Variants in ERCC2 observed in about 807,000 individuals in gnomAD.
The protein encoded by ERCC2 is ERCC excision repair 2, TFIIH core complex helicase subunit, also known as general transcription and DNA repair factor IIH helicase subunit XPD.
A neutral mutation model predicts 99.4 loss-of-function variants in ERCC2; 90 were observed. That is an observed-to-expected ratio of 0.91 (90% confidence interval 0.76 to 1.08). ERCC2 has a LOEUF of 1.08. Ranked by LOEUF, ERCC2 falls within the 50% of genes least tolerant of loss-of-function variation. The pLI is 0.00. For missense variants in ERCC2, 993 were observed against 1,038.1 expected, an observed-to-expected ratio of 0.96 and a Z score of 0.60; for synonymous variants, 497 against 432.4, an observed-to-expected ratio of 1.15 and a Z score of -1.85.
intron 12 of ERCC2, among the ~76,000 whole-genome samples, chr19:45,360,919 T>A (rs1243638775): frequency 1.3e-5 from 2 of 151,840 alleles, no homozygotes; most frequent in African/African-American, 4.8e-5. Context: ...GATCATGAGG[T>A]CAGGAGATCG....
chr19:45,351,724 GCAGAGAA>G lies in ERCC2; in HGVS notation c.2191-10_2191-4del, dbSNP rs1248089431. 1.2e-6 allele frequency: 2 copies of G among 1,613,540 alleles called. No homozygotes were observed. The highest frequency in any genetic ancestry group is 1.7e-6 in the Non-Finnish European group (2 of 1,179,894). ...AGGGACAGGCCCAGCTGATCCTCCTGCAGAGAACAGAGGAAAGGGAGAGGGGGGCACT... is the reference window on the plus strand; with the variant it reads ...AGGGACAGGCCCAGCTGATCCTCCTGCAGAGGAAAGGGAGAGGGGGGCACT... On this transcript the variant is annotated splice_polypyrimidine_tract_variant and splice_region_variant and intron_variant, in intron 22 of 22. Coordinates refer to ENST00000391945, the MANE Select transcript of ERCC2 (RefSeq NM_000400.4).
chr19:45,358,049 T>C, intron 12 of ERCC2: 2 of 403,106 alleles, frequency 5.0e-6, no homozygotes, highest in South Asian at 4.8e-5. Flanking sequence ...TGACCTTTTC[T>C]TGTTTTTGTT....
Position 45,350,747 on chromosome 19 carries a change from G to A in ERCC2, c.*882C>T, listed in dbSNP as rs776705760. The A allele has an allele frequency of 3.7e-6, 6 of 1,608,950 alleles. No homozygotes were observed. In the South Asian group the frequency reaches 5.5e-5, roughly 15 times the overall value. ...GGCGAGGCGGCGGCAGGAGCAGCCG[G>A]GTGAGTGTTGATCAGGTCGGCAAAG... On this transcript the variant is annotated 3_prime_UTR_variant, in exon 23 of 23. Transcript: ENST00000391945.
Position 45,349,855 on chromosome 19 carries a change from ATTGAG to A in ERCC2, c.*1769_*1773del. ...GCACAGGTGGCAGCAGCAGACATTT[ATTGAG>A]CTCACTGTGGCCGGCTCCCCTCTTA... On this transcript the variant is annotated 3_prime_UTR_variant, in exon 23 of 23. Coordinates refer to ENST00000391945, the MANE Select transcript of ERCC2 (RefSeq NM_000400.4). 1 of 515,522 alleles carries A rather than the reference ATTGAG, an allele frequency of 1.9e-6. No homozygotes were observed. Among genetic ancestry groups the A allele is most frequent in the Non-Finnish European group, 3.4e-6 (1 of 290,978 alleles). The allele number at this position is 515,522 out of a possible 1,614,324, so 31.9% of individuals were successfully genotyped here. A position where few individuals can be genotyped will look rare whatever the true frequency, so the allele number is the denominator to read the frequency against.
At chr19:45,367,877 G>A (rs1220221453) in intron 5 of ERCC2, among the ~76,000 whole-genome samples, 2 of 150,736 alleles carry the variant, frequency 1.3e-5, no homozygotes, top group Non-Finnish European at 2.9e-5. Flanking sequence ...ATATCATTAT[G>A]CATATAAATA....
Position 45,359,039 on chromosome 19 carries a change from G to A in ERCC2, c.1238-1340C>T, listed in dbSNP as rs3916840. ...GCCAGCCTTGCCCCTGCTCGCATGG[G>A]TTCGCAGTCCAGTAGGAGACAGACT... is the stretch of plus-strand genomic sequence containing the variant. On this transcript the variant is annotated intron_variant, in intron 12 of 22. Coordinates refer to ENST00000391945, the MANE Select transcript of ERCC2 (RefSeq NM_000400.4). 4.9e-3 allele frequency: 3,064 copies of A among 620,444 alleles called. 90 individuals carry two copies. In the East Asian group the frequency reaches 0.061, roughly 12 times the overall value. The allele number at this position is 620,444 out of a possible 1,614,324, so 38.4% of individuals were successfully genotyped here.
At position 45,357,680 on chromosome 19, in the gene ERCC2, C is replaced by T; in HGVS notation, c.1257G>A (p.Glu419=). Residue 419 remains glutamate, a synonymous_variant, in exon 13 of 23, where the codon GAG becomes GAA. Transcript: ENST00000391945. ...TYAKGFTIII[E]PFDDRTPTIA... ...TGGTCGGGGTTCTGTCGTCAAAGGG[C>T]TCGATGATGATGGTGAAGCCTGCAG... 6.2e-7 allele frequency: 1 copy of T among 1,613,932 alleles called. No individual in the cohort carries two copies. Among genetic ancestry groups the T allele is most frequent in the Non-Finnish European group, 8.5e-7 (1 of 1,179,996 alleles).
intron 17 of ERCC2, among the ~76,000 whole-genome samples, chr19:45,354,067 G>A (rs905412068): frequency 3.3e-5 from 5 of 152,266 alleles, no homozygotes; most frequent in East Asian, 1.9e-4. Flanking sequence ...TGACGTTCCC[G>A]CCTCCCATGC....
At position 45,370,522 on chromosome 19, in the gene ERCC2, A is replaced by T; in HGVS notation, c.5+14T>A. ...GCGCCCGCTAGCGAGCGCGACCCCCAGCCCCCTTCTCACTTCATGGCGCCG... is the reference window on the plus strand; with the variant it reads ...GCGCCCGCTAGCGAGCGCGACCCCCTGCCCCCTTCTCACTTCATGGCGCCG... On this transcript the variant is annotated intron_variant, in intron 1 of 22. Coordinates refer to ENST00000391945, the MANE Select transcript of ERCC2 (RefSeq NM_000400.4). 4 of 1,272,828 alleles carry T rather than the reference A, an allele frequency of 3.1e-6. No individual in the cohort carries two copies. The highest frequency in any genetic ancestry group is 4.1e-6 in the Non-Finnish European group (4 of 978,056). 78.8% of individuals were successfully genotyped at this position (1,272,828 alleles called of 1,614,324 possible).
At position 45,350,817 on chromosome 19, in the gene ERCC2, CCATCTT is replaced by C; in HGVS notation, c.*806_*811del. 1 of 1,359,250 alleles carries C rather than the reference CCATCTT, an allele frequency of 7.4e-7. No homozygotes were observed. Among genetic ancestry groups the C allele is most frequent in the Non-Finnish European group, 1.0e-6 (1 of 971,872 alleles). 84.2% of individuals were successfully genotyped at this position (1,359,250 alleles called of 1,614,324 possible). ...TCCACAGCCCACCCCACCCCCACCC[CCATCTT>C]GCTCAAGAACCTTCCATGGCTCCCA... is the stretch of plus-strand genomic sequence containing the variant. On this transcript the variant is annotated 3_prime_UTR_variant, in exon 23 of 23. Coordinates refer to ENST00000391945, the MANE Select transcript of ERCC2 (RefSeq NM_000400.4).
rs200450814 is a variant in ERCC2 at position 45,354,835 on chromosome 19, A to G, written c.1560T>C (p.Tyr520=). 1.9e-6 allele frequency: 3 copies of G among 1,614,092 alleles called. No homozygotes were observed. The highest frequency in any genetic ancestry group is 3.3e-5 in the Admixed American group (2 of 60,022). Residue 520 remains tyrosine (Y), a synonymous_variant, in exon 17 of 23, where the codon TAT becomes TAC. Transcript: ENST00000391945. ...CGGACATCTCCAGCAGGAGGTTCCCATAGTTCCGGATCACAGCTGCAAGGG... is the reference window on the plus strand; with the variant it reads ...CGGACATCTCCAGCAGGAGGTTCCCGTAGTTCCGGATCACAGCTGCAAGGG... ...TREDIAVIRN[Y]GNLLLEMSAV...
chr19:45,361,587 C>A lies in ERCC2; in HGVS notation c.1174G>T (p.Ala392Ser). 6.2e-7 allele frequency: 1 copy of A among 1,614,004 alleles called. No homozygotes were observed. Among genetic ancestry groups the A allele is most frequent in the Non-Finnish European group, 8.5e-7 (1 of 1,179,922 alleles). Reference sequence around the variant, plus strand: ...AGGAGGGTGAGCGGGGAGAAGTCAGCAAGGTCGGTGATCTCCAGAGTATGC... The same window carrying A: ...AGGAGGGTGAGCGGGGAGAAGTCAGAAAGGTCGGTGATCTCCAGAGTATGC... Reference protein sequence around the residue: ...LLHTLEITDLADFSPLTLLAN... With the variant: ...LLHTLEITDLSDFSPLTLLAN... The change falls in exon 12 of 23, where the codon GCT (alanine) becomes TCT (serine). Residue 392 changes from alanine (A) to serine (S), a missense_variant. Physicochemically the swap from Ala to Ser is moderately conservative, Grantham distance 99 (BLOSUM62 1). Coordinates refer to ENST00000391945, the MANE Select transcript of ERCC2 (RefSeq NM_000400.4).
chr19:45,358,069 G>A (rs1314991669), intron 12 of ERCC2: 1 of 370,640 alleles, frequency 2.7e-6, no homozygotes, highest in Non-Finnish European at 5.2e-6. Flanking sequence ...TTTTTGAGAT[G>A]GAGCCTCGCG....
At chr19:45,368,279 A>G (rs766165954) in intron 5 of ERCC2, among the ~76,000 whole-genome samples, 1 of 152,162 alleles carries the variant, frequency 6.6e-6, no homozygotes, top group African/African-American at 2.4e-5. Context: ...AAGCAGGTAC[A>G]TAATTATCCC....
At chr19:45,365,413 G>A (rs1011916954) in intron 5 of ERCC2, among the ~76,000 whole-genome samples, 5 of 152,134 alleles carry the variant, frequency 3.3e-5, no homozygotes, top group South Asian at 2.1e-4. Flanking sequence ...TCAGGAGTTC[G>A]AGACCAGCCT....
At position 45,364,118 on chromosome 19, in the gene ERCC2, T is replaced by G; in HGVS notation, c.817A>C (p.Ile273Leu). Reference sequence around the variant, plus strand: ...AGGCGCTGCTCGTCTGTCTCTTTGATCCTGCGGAGAGATGAGCTGGGGCTG... The same window carrying G: ...AGGCGCTGCTCGTCTGTCTCTTTGAGCCTGCGGAGAGATGAGCTGGGGCTG... ...LETLQKTVLR[I>L]KETDEQRLRD... Residue 273 changes from isoleucine to leucine, a missense_variant and splice_region_variant, in exon 10 of 23, where the codon ATC becomes CTC. Ile to Leu is a conservative substitution (Grantham distance 5). Coordinates refer to ENST00000391945, the MANE Select transcript of ERCC2 (RefSeq NM_000400.4). 6.2e-7 allele frequency: 1 copy of G among 1,611,398 alleles called. No individual in the cohort carries two copies. Among genetic ancestry groups the G allele is most frequent in the Non-Finnish European group, 8.5e-7 (1 of 1,179,312 alleles).
At chr19:45,363,945 G>A in intron 10 of ERCC2, 34 bp from the exon 11 acceptor site, 2 of 1,520,232 alleles carry the variant, frequency 1.3e-6, no homozygotes, top group South Asian at 1.2e-5. Context: ...CGACGGGGAG[G>A]CGGGAAAGGG....
At position 45,351,101 on chromosome 19, in the gene ERCC2, T is replaced by G; in HGVS notation, c.*528A>C. The G allele has an allele frequency of 6.2e-7, 1 of 1,609,734 alleles. No individual in the cohort carries two copies. The highest frequency in any genetic ancestry group is 8.5e-7 in the Non-Finnish European group (1 of 1,177,814). ...GGCAAAGGCAGGGCGGTCGGGCCAG[T>G]GGTGGAGTCAGCAGGTGGTGGGTTG... On this transcript the variant is annotated 3_prime_UTR_variant, in exon 23 of 23. Transcript: ENST00000391945.
chr19:45,350,491 G>C lies in ERCC2; in HGVS notation c.*1138C>G. ...GTGGCTTCTCTATGTCCCCATCTCA[G>C]TGTCCCCCATCTTTCCCCCTAGGTG... On this transcript the variant is annotated 3_prime_UTR_variant, in exon 23 of 23. Transcript: ENST00000391945. 3 of 1,613,702 alleles carry C rather than the reference G, an allele frequency of 1.9e-6. No individual in the cohort carries two copies. Among genetic ancestry groups the C allele is most frequent in the Non-Finnish European group, 2.5e-6 (3 of 1,179,836 alleles).
Sources: gnomAD v4.1 joint callset for allele counts (sites outside exome capture counted in the v4.1 genomes callset) on GRCh38, gnomAD v4.1.1 for gene constraint, MANE v1.5 for transcripts, NCBI Gene and HGNC (gene_info 2026-07-23, HGNC 2026-07-21) for gene names.